The following HERC3 variants were observed in gnomAD, a reference collection of about 807,000 sequenced individuals.
HERC3 encodes HECT and RLD domain containing E3 ubiquitin protein ligase 3.
Under a neutral mutation model 129.9 loss-of-function variants are expected in HERC3, and 58 were observed. The observed-to-expected ratio is 0.45, with a 90% CI of 0.36 to 0.56. HERC3 has a LOEUF of 0.56. Ranked by LOEUF, HERC3 falls within the 20% of genes least tolerant of loss-of-function variation. The probability of loss-of-function intolerance (pLI) is 0.00; values close to 1 mark genes in which losing one functional copy is unlikely to be tolerated. For synonymous variants in HERC3, 430 were observed against 451.0 expected (o/e 0.95, Z 0.59); for missense variants, 835 against 1,244.2 (o/e 0.67, Z 4.95).
chr4:88,556,211 A>G, the HERC3 span, among the ~76,000 whole-genome samples: 1 of 152,198 alleles, frequency 6.6e-6, no homozygotes, highest in South Asian at 2.1e-4. Flanking sequence ...CAACTGTGTT[A>G]CATAGGAGGT....
intron 1 of HERC3, among the ~76,000 whole-genome samples, chr4:88,593,931 G>A (rs187208830): frequency 2.0e-5 from 3 of 152,166 alleles, no homozygotes; most frequent in Non-Finnish European, 4.4e-5. Flanking sequence ...CAAAGTACAT[G>A]GATTGCATAT....
At chr4:88,604,019 T>TTAA (rs1195349890) in intron 2 of HERC3, among the ~76,000 whole-genome samples, 12 of 152,082 alleles carry the variant, frequency 7.9e-5, no homozygotes, top group African/African-American at 2.9e-4. Context: ...TACCATAAAA[T>TTAA]TTACTTTTTT....
chr4:88,627,868 C>T (rs369764689), intron 3 of HERC3, among the ~76,000 whole-genome samples: 2 of 139,018 alleles, frequency 1.4e-5, no homozygotes, highest in African/African-American at 5.4e-5. Context: ...CACGCCATTG[C>T]ACTTCAGCTT....
chr4:88,601,558 A>G (rs1722968848), intron 2 of HERC3, among the ~76,000 whole-genome samples: 1 of 152,230 alleles, frequency 6.6e-6, no homozygotes, highest in African/African-American at 2.4e-5. Flanking sequence ...GCCTAGTATT[A>G]TAATTCAAAG....
At chr4:88,544,613 T>C in the HERC3 span, among the ~76,000 whole-genome samples, 1 of 152,210 alleles carries the variant, frequency 6.6e-6, no homozygotes, top group Non-Finnish European at 1.5e-5. Context: ...TAAAGACACG[T>C]GCACACGTAT....
chr4:88,680,250 G>A lies in HERC3; in HGVS notation c.2340+14G>A. ...TTTTCAGACACGGTAAGTAAGTGGT[G>A]TCACAATTAAACAGATGGATTAAAT... On this transcript the variant is annotated intron_variant, in intron 20 of 25. Coordinates refer to ENST00000402738, the MANE Select transcript of HERC3 (RefSeq NM_014606.3). 1 of 1,585,636 alleles carries A rather than the reference G, an allele frequency of 6.3e-7. No individual in the cohort carries two copies. The highest frequency in any genetic ancestry group is 8.6e-7 in the Non-Finnish European group (1 of 1,167,372).
At chr4:88,576,341 A>C in the HERC3 span, among the ~76,000 whole-genome samples, 5 of 152,120 alleles carry the variant, frequency 3.3e-5, no homozygotes, top group Non-Finnish European at 7.4e-5. Flanking sequence ...TGTCCAATAA[A>C]ATCAAGGTCC....
chr4:88,632,465 A>G (rs1726881467), intron 3 of HERC3, among the ~76,000 whole-genome samples: 1 of 152,244 alleles, frequency 6.6e-6, no homozygotes, highest in Admixed American at 6.5e-5. Context: ...ATGTGGGATA[A>G]TGTAGATGTT....
upstream of HERC3, among the ~76,000 whole-genome samples, chr4:88,589,321 G>A (rs1306965355): frequency 1.3e-5 from 2 of 152,140 alleles, no homozygotes; most frequent in African/African-American, 4.8e-5. Context: ...GGCCTCAAGC[G>A]ATGCTCTTGC....
chr4:88,648,925 A>T (rs1728979636), intron 3 of HERC3, among the ~76,000 whole-genome samples: 2 of 147,424 alleles, frequency 1.4e-5, no homozygotes. Flanking sequence ...AATTTATGCT[A>T]CCACATTTTT....
the HERC3 span, among the ~76,000 whole-genome samples, chr4:88,549,701 T>G: frequency 6.7e-6 from 1 of 149,626 alleles, no homozygotes; most frequent in Non-Finnish European, 1.5e-5. Flanking sequence ...CATTTTCTTT[T>G]TCTTTTTCTT....
chr4:88,663,963 A>C (rs1730781141), intron 11 of HERC3, among the ~76,000 whole-genome samples, 190 bp from the exon 12 acceptor site: 1 of 152,134 alleles, frequency 6.6e-6, no homozygotes, highest in Non-Finnish European at 1.5e-5. Flanking sequence ...TGGGAAACTT[A>C]AGTTCTTCTT....
the HERC3 span, among the ~76,000 whole-genome samples, chr4:88,574,239 G>A: frequency 6.6e-6 from 1 of 152,210 alleles, no homozygotes; most frequent in African/African-American, 2.4e-5. Context: ...GATAGGGGAA[G>A]TCCTGTGGCA....
chr4:88,544,980 A>G, the HERC3 span, among the ~76,000 whole-genome samples: 32 of 152,276 alleles, frequency 2.1e-4, no homozygotes, highest in African/African-American at 6.7e-4. Flanking sequence ...CAGCAAACCA[A>G]CATGGCGCAT....
At chr4:88,667,589 C>T (rs1731180404) in intron 13 of HERC3, 101 bp downstream of exon 13, 3 of 700,956 alleles carry the variant, frequency 4.3e-6, no homozygotes, top group Middle Eastern at 4.0e-4. Flanking sequence ...GTGAAAGTCT[C>T]CAAATCTTAA....
chr4:88,696,853 C>T (rs1734650088), intron 23 of HERC3: 2 of 216,738 alleles, frequency 9.2e-6, no homozygotes, highest in African/African-American at 2.3e-5. Flanking sequence ...CCATGTGTAG[C>T]GTATGCTGTG....
chr4:88,659,153 C>G (rs1223490121), intron 10 of HERC3, among the ~76,000 whole-genome samples: 1 of 152,148 alleles, frequency 6.6e-6, no homozygotes, highest in African/African-American at 2.4e-5. Context: ...GACTCCTTCC[C>G]CTGTGCTTTC....
At position 88,686,765 on chromosome 4, in the gene HERC3, G is replaced by A. The variant is rs756757357; in HGVS notation, c.2537G>A (p.Gly846Glu). The A allele has an allele frequency of 1.9e-6, 3 of 1,612,042 alleles. No homozygotes were observed. The highest frequency in any genetic ancestry group is 3.3e-5 in the Admixed American group (2 of 59,976). Residue 846 changes from glycine (G) to glutamate (E), a missense_variant, in exon 22 of 26, where the codon GGG becomes GAG. By Grantham distance (98) the Gly-to-Glu change is moderately conservative. Coordinates refer to ENST00000402738, the MANE Select transcript of HERC3 (RefSeq NM_014606.3). Reference sequence around the variant, plus strand: ...CTCCAAGAGCTTTTAGATTACCCCGGGGAGGATGTGGAGGAGACTTTCTGC... The same window carrying A: ...CTCCAAGAGCTTTTAGATTACCCCGAGGAGGATGTGGAGGAGACTTTCTGC... Reference protein sequence around the residue: ...RSLQELLDYPGEDVEETFCLN... With the variant: ...RSLQELLDYPEEDVEETFCLN...
At chr4:88,621,054 T>G (rs904788728) in intron 3 of HERC3, among the ~76,000 whole-genome samples, 1 of 152,178 alleles carries the variant, frequency 6.6e-6, no homozygotes, top group Non-Finnish European at 1.5e-5. Flanking sequence ...ATAAGGGCAT[T>G]GTTTTGTATC....
Sources: allele counts gnomAD v4.1 joint callset (sites outside exome capture counted in the v4.1 genomes callset), GRCh38; gene constraint gnomAD v4.1.1; transcripts MANE v1.5; gene names NCBI Gene and HGNC (gene_info 2026-07-23, HGNC 2026-07-21).